CEP95: variants seen among roughly 807,000 people sequenced by gnomAD.
CEP95 encodes the protein centrosomal protein 95.
A neutral mutation model predicts 111.2 loss-of-function variants in CEP95; 98 were observed. That is an observed-to-expected ratio of 0.88 (90% CI 0.75 to 1.04). The LOEUF (loss-of-function observed/expected upper bound fraction) is 1.04, where lower values mean the gene tolerates loss of function less well. CEP95 is among the 50% of genes least tolerant of loss of function. The pLI is 0.00. For missense variants in CEP95, 1,027 were observed against 977.2 expected, an observed-to-expected ratio of 1.05 and a Z score of -0.68; for synonymous variants, 323 against 327.1, an observed-to-expected ratio of 0.99 and a Z score of 0.14.
rs2144301004 is a variant in CEP95 at position 64,507,034 on chromosome 17, T to C, written c.-64T>C. 1 of 1,546,144 alleles carries C rather than the reference T, an allele frequency of 6.5e-7. No individual in the cohort carries two copies. The highest frequency in any genetic ancestry group is 8.7e-7 in the Non-Finnish European group (1 of 1,143,068). On this transcript the variant is annotated 5_prime_UTR_variant, in exon 1 of 20. Coordinates refer to ENST00000556440, the MANE Select transcript of CEP95 (RefSeq NM_138363.3). ...CCAGTGTCGGGTCTGCGTGGATCGG[T>C]CCTTCCAGGACACCGTCGCCTTCCC...
At chr17:64,510,557 T>C (rs2038838117) in intron 3 of CEP95, among the ~76,000 whole-genome samples, 1 of 152,162 alleles carries the variant, frequency 6.6e-6, no homozygotes, top group Non-Finnish European at 1.5e-5. Context: ...GTTGTTTTAT[T>C]TATTTTTATT....
In CEP95 at chr17:64,506,987, C is replaced by G. The variant is rs1233943061; in HGVS notation, c.-111C>G. On this transcript the variant is annotated 5_prime_UTR_variant, in exon 1 of 20. Transcript: ENST00000556440. The stretch of plus-strand genomic sequence containing the variant: ...CTTCTTTCACGCCTCCTTCCCCGCG[C>G]TTTGGTTCGTGCGTCCGCGCCCCAG... The G allele has an allele frequency of 7.9e-7, 1 of 1,272,700 alleles. No individual in the cohort carries two copies. Among genetic ancestry groups the G allele is most frequent in the East Asian group, 2.5e-5 (1 of 39,654 alleles). 78.8% of individuals were successfully genotyped at this position (1,272,700 alleles called of 1,614,324 possible).
Position 64,519,416 on chromosome 17 carries a change from C to T in CEP95, c.569C>T (p.Thr190Ile), listed in dbSNP as rs1967137526. The T allele has an allele frequency of 1.2e-6, 2 of 1,612,946 alleles. No individual in the cohort carries two copies. The highest frequency in any genetic ancestry group is 1.1e-5 in the South Asian group (1 of 91,054). ...EIIRLGDTAH[T>I]FSLRSNGAQC... is the part of the protein sequence containing the mutation. Reference sequence around the variant, plus strand: ...ATTAGACTTGGAGACACAGCACACACCTTTTCTCTAAGAAGTAATGGTGAG... The same window carrying T: ...ATTAGACTTGGAGACACAGCACACATCTTTTCTCTAAGAAGTAATGGTGAG... Residue 190 changes from threonine (T) to isoleucine (I), a missense_variant, in exon 6 of 20, where the codon ACC becomes ATC. Transcript: ENST00000556440.
chr17:64,507,759 C>G (rs1260599713), intron 1 of CEP95: 9 of 985,488 alleles, frequency 9.1e-6, no homozygotes, highest in African/African-American at 1.7e-5. Context: ...AAAATACACT[C>G]TCATTCGTTT....
chr17:64,537,928 TAAAA>T lies in CEP95; in HGVS notation c.*151_*154del. ...CCAGTACTTTTTATGATTTTTTAAATAAAAATTGTTTTCTAAAAGCTTATTGCTT... is the reference window on the plus strand; with the variant it reads ...CCAGTACTTTTTATGATTTTTTAAATATTGTTTTCTAAAAGCTTATTGCTT... On this transcript the variant is annotated 3_prime_UTR_variant, in exon 20 of 20. Transcript: ENST00000556440. The T allele has an allele frequency of 2.2e-6, 1 of 451,890 alleles. No homozygotes were observed. Among genetic ancestry groups the T allele is most frequent in the East Asian group, 3.5e-5 (1 of 28,652 alleles). 28.0% of individuals were successfully genotyped at this position (451,890 alleles called of 1,614,324 possible). A position where few individuals can be genotyped will look rare whatever the true frequency, so the allele number is the denominator to read the frequency against.
intron 16 of CEP95, among the ~76,000 whole-genome samples, chr17:64,533,550 T>G (rs1968436557): frequency 6.6e-6 from 1 of 152,084 alleles, no homozygotes; most frequent in Non-Finnish European, 1.5e-5. Context: ...GAGGCTGCAG[T>G]GAGCTATGAT....
At chr17:64,506,909 G>C, upstream of CEP95, 1 of 694,234 alleles carries the variant, frequency 1.4e-6, no homozygotes, top group Non-Finnish European at 2.6e-6. Context: ...CCTGTGAAAG[G>C]AAGTGCTCCT....
At chr17:64,521,730 T>C (rs1329569231) in intron 7 of CEP95, among the ~76,000 whole-genome samples, 9 of 152,154 alleles carry the variant, frequency 5.9e-5, no homozygotes, top group Admixed American at 3.9e-4. Flanking sequence ...GCATCCACTA[T>C]TTTATTATCT....
At position 64,532,927 on chromosome 17, in the gene CEP95, G is replaced by A. The variant is rs1555680648; in HGVS notation, c.1761G>A (p.Trp587Ter). Residue 587 changes from tryptophan to a stop codon, truncating the protein, a stop_gained, in exon 15 of 20, where the codon TGG becomes TGA. Transcript: ENST00000556440. LOFTEE classifies it high-confidence loss of function. ...YVSGPTLSKM[W>*]KQQIAQVEQL... ...CTGGCCCAACACTAAGCAAAATGTG[G>A]AAACAGCAAATTGCACAGGTTGAAC... is the stretch of plus-strand genomic sequence containing the variant. 1 of 1,613,854 alleles carries A rather than the reference G, an allele frequency of 6.2e-7. No individual in the cohort carries two copies. The highest frequency in any genetic ancestry group is 1.1e-5 in the South Asian group (1 of 91,072).
chr17:64,529,980 C>T (rs782670460), intron 12 of CEP95, among the ~76,000 whole-genome samples: 1 of 152,170 alleles, frequency 6.6e-6, no homozygotes, highest in Non-Finnish European at 1.5e-5. Context: ...ATCTTACACT[C>T]ATTTGTAACT....
At chr17:64,509,560 CT>C (rs2038776015) in intron 2 of CEP95, among the ~76,000 whole-genome samples, 1 of 152,196 alleles carries the variant, frequency 6.6e-6, no homozygotes, top group Non-Finnish European at 1.5e-5. Flanking sequence ...TGGTGCACGC[CT>C]ATAAACCCAG....
intron 3 of CEP95, among the ~76,000 whole-genome samples, chr17:64,512,726 T>C (rs1284010308): frequency 6.6e-6 from 1 of 152,232 alleles, no homozygotes; most frequent in Non-Finnish European, 1.5e-5. Flanking sequence ...CTCTTCTGTC[T>C]TAAGTTTTTT....
intron 8 of CEP95, among the ~76,000 whole-genome samples, chr17:64,524,924 C>T (rs1044794561): frequency 5.3e-5 from 8 of 151,838 alleles, no homozygotes; most frequent in Admixed American, 3.9e-4. Flanking sequence ...TGACCCAAGA[C>T]TGCACCACTG....
At position 64,522,714 on chromosome 17, in the gene CEP95, C is replaced by T; in HGVS notation, c.728C>T (p.Ser243Phe). The change falls in exon 8 of 20, where the codon TCT becomes TTT. Residue 243 changes from serine (S) to phenylalanine (F), a missense_variant. Ser to Phe is a radical substitution (Grantham distance 155, BLOSUM62 -2). Transcript: ENST00000556440. Reference sequence around the variant, plus strand: ...TTTGTCTTACTAGCGGAAACCCTTTCTGTGAGTGGGATTCCAAATGCTAGG... The same window carrying T: ...TTTGTCTTACTAGCGGAAACCCTTTTTGTGAGTGGGATTCCAAATGCTAGG... Reference protein sequence around the residue: ...TSFVEDTETLSVSGIPNARKL... With the variant: ...TSFVEDTETLFVSGIPNARKL... The T allele has an allele frequency of 3.7e-6, 6 of 1,612,534 alleles. No homozygotes were observed. The highest frequency in any genetic ancestry group is 1.7e-4 in the Middle Eastern group (1 of 6,046).
At chr17:64,509,891 GTATATCTA>G (rs782007926) in intron 2 of CEP95, among the ~76,000 whole-genome samples, 25 of 151,188 alleles carry the variant, frequency 1.7e-4, no homozygotes, top group Admixed American at 1.6e-3. Flanking sequence ...GCATATTCAT[GTATATCTA>G]TATATCTATA....
At chr17:64,537,392 A>G (rs1555681827) in intron 19 of CEP95, 1 of 1,379,848 alleles carries the variant, frequency 7.2e-7, no homozygotes, top group East Asian at 2.6e-5. Flanking sequence ...TGTAAAGGGA[A>G]TGGAGAGAAG....
intron 6 of CEP95, among the ~76,000 whole-genome samples, chr17:64,521,186 G>A (rs565204970): frequency 9.7e-4 from 148 of 152,256 alleles, no homozygotes; most frequent in Non-Finnish European, 1.4e-3. Context: ...GCAGTGCAGC[G>A]AGATCACGCC....
intron 17 of CEP95, 127 bp downstream of exon 17, chr17:64,534,864 T>C: frequency 1.8e-6 from 2 of 1,085,444 alleles, no homozygotes. Flanking sequence ...CCTATAGTGC[T>C]GGCCCTGAGT....
chr17:64,510,115 T>G, intron 2 of CEP95, 58 bp from the exon 3 acceptor site: 2 of 889,680 alleles, frequency 2.2e-6, no homozygotes, highest in Non-Finnish European at 3.7e-6. Context: ...TCAGAGACAA[T>G]GAGATGAAAA....
Sources: allele counts gnomAD v4.1 joint callset (sites outside exome capture counted in the v4.1 genomes callset), GRCh38; gene constraint gnomAD v4.1.1; transcripts MANE v1.5; gene names NCBI Gene and HGNC (gene_info 2026-07-23, HGNC 2026-07-21).